Variants in PIGU observed in about 807,000 individuals in gnomAD.
PIGU encodes the protein GPI-anchor transamidase component PIGU.
Under a neutral mutation model 49.9 loss-of-function variants are expected in PIGU, and 24 were observed. The ratio of observed to expected loss-of-function variants is 0.48; its 90% CI spans 0.35 to 0.68. The LOEUF (loss-of-function observed/expected upper bound fraction) is 0.68. PIGU is among the 30% of genes least tolerant of loss of function. The probability of loss-of-function intolerance (pLI) is 0.01; values close to 1 mark genes in which losing one functional copy is unlikely to be tolerated. For missense variants in PIGU, 490 were observed against 532.6 expected (o/e 0.92, Z 0.79); for synonymous variants, 220 against 205.7 (o/e 1.07, Z -0.59).
At chr20:34,611,098 A>T (rs1984795568) in intron 7 of PIGU, among the ~76,000 whole-genome samples, 1 of 152,202 alleles carries the variant, frequency 6.6e-6, no homozygotes, top group Non-Finnish European at 1.5e-5. Context: ...AAAACCATAA[A>T]CCCTAGAAGA....
chr20:34,623,747 A>T (rs767608458), intron 6 of PIGU, among the ~76,000 whole-genome samples: 10 of 152,096 alleles, frequency 6.6e-5, no homozygotes, highest in Non-Finnish European at 1.2e-4. Flanking sequence ...TTATTCCTCC[A>T]CTATCTCTAG....
At chr20:34,596,550 C>T (rs1033208379) in intron 7 of PIGU, among the ~76,000 whole-genome samples, 4 of 151,884 alleles carry the variant, frequency 2.6e-5, no homozygotes, top group East Asian at 1.9e-4. Context: ...GCAACTTTTC[C>T]GTAGGTCTAA....
intron 10 of PIGU, among the ~76,000 whole-genome samples, chr20:34,576,845 T>C (rs895642340): frequency 6.6e-6 from 1 of 152,170 alleles, no homozygotes; most frequent in Non-Finnish European, 1.5e-5. Context: ...AGATTTCCCA[T>C]ATTCCCCCCA....
chr20:34,567,385 G>A (rs1982817549), intron 11 of PIGU, among the ~76,000 whole-genome samples: 2 of 152,220 alleles, frequency 1.3e-5, no homozygotes, highest in Non-Finnish European at 2.9e-5. Context: ...GAGGTCACAA[G>A]GTGAGACTGA....
chr20:34,579,835 G>A (rs933201981), intron 10 of PIGU, among the ~76,000 whole-genome samples: 5 of 152,214 alleles, frequency 3.3e-5, no homozygotes, highest in Non-Finnish European at 7.3e-5. Flanking sequence ...TTATTCTGAT[G>A]ACTCTGGCTA....
intron 1 of PIGU, among the ~76,000 whole-genome samples, chr20:34,669,682 A>AAG (rs1555804342): frequency 6.6e-6 from 1 of 151,120 alleles, no homozygotes; most frequent in African/African-American, 2.4e-5. Flanking sequence ...AAAAAAAAAA[A>AAG]GTAAAAAACA....
chr20:34,564,633 A>T (rs1221156321), intron 11 of PIGU, among the ~76,000 whole-genome samples: 7 of 152,282 alleles, frequency 4.6e-5, no homozygotes, highest in Admixed American at 4.6e-4. Context: ...ATTTTACATA[A>T]GAAAATGATA....
chr20:34,668,496 C>T (rs964881712), intron 1 of PIGU, among the ~76,000 whole-genome samples: 2 of 117,758 alleles, frequency 1.7e-5, no homozygotes, highest in South Asian at 2.6e-4. Context: ...GGGGGGCGGG[C>T]GTGCTGGCTC....
rs990924560 is a variant in PIGU, at chr20:34,588,434, T to G, written c.782+19A>C. 1.9e-6 allele frequency: 3 copies of G among 1,604,886 alleles called. No individual in the cohort carries two copies. Among genetic ancestry groups the G allele is most frequent in the Non-Finnish European group, 1.7e-6 (2 of 1,175,506 alleles). ...TTTCCCCACAGCTTCTAGAATTTTCTAACGTGGTCATTACTTACATAAAGC... is the reference window on the plus strand; with the variant it reads ...TTTCCCCACAGCTTCTAGAATTTTCGAACGTGGTCATTACTTACATAAAGC... On this transcript the variant is annotated intron_variant, in intron 8 of 11. Coordinates refer to ENST00000217446, the MANE Select transcript of PIGU (RefSeq NM_080476.5).
rs745382874 is a variant in PIGU, at chr20:34,575,264, T to G, written c.1052-18A>C. On this transcript the variant is annotated intron_variant, in intron 10 of 11. Coordinates refer to ENST00000217446, the MANE Select transcript of PIGU (RefSeq NM_080476.5). ...TCTCAGGACTGCAAAGACAGAGGGTTACAGTTAGCCTGACACGCTCTCTCT... is the reference window on the plus strand; with the variant it reads ...TCTCAGGACTGCAAAGACAGAGGGTGACAGTTAGCCTGACACGCTCTCTCT... The G allele has an allele frequency of 1.2e-6, 2 of 1,612,430 alleles. No individual in the cohort carries two copies. The highest frequency in any genetic ancestry group is 2.7e-5 in the African/African-American group (2 of 74,988).
chr20:34,670,387 A>C (rs1191734277), intron 1 of PIGU, among the ~76,000 whole-genome samples: 1 of 151,792 alleles, frequency 6.6e-6, no homozygotes, highest in Non-Finnish European at 1.5e-5. Flanking sequence ...ACAAGGTTTC[A>C]CCATGTTGCC....
chr20:34,627,506 A>G (rs1046485912), intron 6 of PIGU, among the ~76,000 whole-genome samples: 1 of 152,150 alleles, frequency 6.6e-6, no homozygotes. Context: ...GATACATATA[A>G]CTTACTTACA....
intron 1 of PIGU, among the ~76,000 whole-genome samples, chr20:34,658,874 CG>C (rs1160116286): frequency 6.6e-6 from 1 of 151,612 alleles, no homozygotes; most frequent in Non-Finnish European, 1.5e-5. Flanking sequence ...CATCTCCGCC[CG>C]GCAGCCACCC....
At chr20:34,634,957 A>G (rs1985913162) in intron 5 of PIGU, among the ~76,000 whole-genome samples, 1 of 152,200 alleles carries the variant, frequency 6.6e-6, no homozygotes, top group Non-Finnish European at 1.5e-5. Context: ...TTTAATCATC[A>G]CAGAGATCCT....
At position 34,648,007 on chromosome 20, in the gene PIGU, T is replaced by C. The variant is rs530237312; in HGVS notation, c.196-2673A>G. Among the ~76,000 whole-genome samples the C allele has an allele frequency of 2.2e-3, 334 of 152,212 alleles. 1 individual carries two copies. Among genetic ancestry groups the C allele is most frequent in the African/African-American group, 7.6e-3 (314 of 41,520 alleles). On this transcript the variant is annotated intron_variant, in intron 2 of 11. Coordinates refer to ENST00000217446, the MANE Select transcript of PIGU (RefSeq NM_080476.5). ...GCTCATGCCTATAATCTCAGCACTT[T>C]GTGGGGCTGAGGTGGGAGGATCACT... is the stretch of plus-strand genomic sequence containing the variant.
intron 4 of PIGU, among the ~76,000 whole-genome samples, chr20:34,642,639 C>CAT (rs927922127): frequency 1.5e-5 from 2 of 129,840 alleles, no homozygotes; most frequent in Non-Finnish European, 3.2e-5. Context: ...CTATATCACA[C>CAT]ATATATATAT....
chr20:34,615,025 C>G (rs1279437034), intron 7 of PIGU, among the ~76,000 whole-genome samples: 1 of 152,212 alleles, frequency 6.6e-6, no homozygotes, highest in African/African-American at 2.4e-5. Context: ...GATTAGAGAG[C>G]ACGCTCTGGC....
intron 7 of PIGU, among the ~76,000 whole-genome samples, chr20:34,597,820 A>T (rs1351646140): frequency 2.6e-5 from 4 of 152,230 alleles, no homozygotes; most frequent in Non-Finnish European, 5.9e-5. Flanking sequence ...TTCATTACAG[A>T]ATGTTGGGAA....
intron 2 of PIGU, among the ~76,000 whole-genome samples, chr20:34,650,698 C>CTTTTTT (rs1568658806): frequency 1.8e-4 from 8 of 43,950 alleles, no homozygotes; most frequent in Non-Finnish European, 9.6e-5. Flanking sequence ...TTCTTTTTTT[C>CTTTTTT]TCTTTTTTTT....
Sources: allele counts gnomAD v4.1 joint callset (sites outside exome capture counted in the v4.1 genomes callset), GRCh38; gene constraint gnomAD v4.1.1; transcripts MANE v1.5; gene names NCBI Gene and HGNC (gene_info 2026-07-23, HGNC 2026-07-21).